Variants in SPATA13 observed in about 807,000 individuals in gnomAD.
The protein encoded by SPATA13 is spermatogenesis associated 13, also known as spermatogenesis-associated protein 13.
SPATA13 carries 50 observed loss-of-function variants against 104.0 expected under a neutral mutation model. That is an observed-to-expected ratio of 0.48 (90% CI 0.38 to 0.61). The LOEUF (loss-of-function observed/expected upper bound fraction) is 0.61. SPATA13 is among the 20% of genes least tolerant of loss of function. SPATA13 has a pLI of 0.00. For missense variants in SPATA13, 1,524 were observed against 1,690.6 expected, an observed-to-expected ratio of 0.90 and a Z score of 1.73; for synonymous variants, 606 against 667.5, an observed-to-expected ratio of 0.91 and a Z score of 1.42.
chr13:24,278,555 AG>A, intron 4 of SPATA13: 1 of 1,231,904 alleles, frequency 8.1e-7, no homozygotes, highest in South Asian at 1.8e-5. Flanking sequence ...TGGGATTACA[AG>A]CATGAGCTAC....
At chr13:24,301,363 C>A (rs1404598564) in intron 12 of SPATA13, among the ~76,000 whole-genome samples, 1 of 152,210 alleles carries the variant, frequency 6.6e-6, no homozygotes, top group African/African-American at 2.4e-5. Flanking sequence ...CTTAACACTC[C>A]CCTGCTTTCT....
chr13:24,066,686 G>C (rs1878977138), intron 3 of SPATA13, among the ~76,000 whole-genome samples: 2 of 151,876 alleles, frequency 1.3e-5, no homozygotes, highest in Admixed American at 1.3e-4. Context: ...CACCCCTCAG[G>C]CCCCCCACCT....
At chr13:24,084,435 G>C (rs1419516203) in intron 3 of SPATA13, among the ~76,000 whole-genome samples, 1 of 152,194 alleles carries the variant, frequency 6.6e-6, no homozygotes, top group Non-Finnish European at 1.5e-5. Flanking sequence ...TGTTCTGGAC[G>C]TGCGAGGTAC....
At chr13:23,988,106 G>A (rs1242405802) in intron 2 of SPATA13, among the ~76,000 whole-genome samples, 2 of 152,044 alleles carry the variant, frequency 1.3e-5, no homozygotes, top group African/African-American at 4.8e-5. Context: ...ACCACGTCTG[G>A]TTAATTTTTG....
rs199613715 is a variant in SPATA13 at position 24,289,046 on chromosome 13, G to A, written c.2715G>A (p.Ala905=). ...CRKHTGMFTV[A]QLATIFGNIE... is the part of the protein sequence containing the mutation. ...AGCACACAGGAATGTTCACCGTTGC[G>A]CAGCTAGCCACTATTTTTGGAAACA... Residue 905 remains alanine (A), a synonymous_variant, in exon 8 of 13, where the codon GCG becomes GCA. Coordinates refer to ENST00000382108, the MANE Select transcript of SPATA13 (RefSeq NM_001166271.3). 161 of 1,613,646 alleles carry A rather than the reference G, an allele frequency of 1.0e-4. 1 individual carries two copies. Among genetic ancestry groups the A allele is most frequent in the South Asian group, 3.7e-4 (34 of 90,998 alleles).
chr13:24,268,491 G>C (rs902603951), intron 4 of SPATA13, among the ~76,000 whole-genome samples: 1 of 152,238 alleles, frequency 6.6e-6, no homozygotes, highest in East Asian at 1.9e-4. Flanking sequence ...GGGCGCAGTG[G>C]CTCATGCCTG....
At chr13:24,109,143 T>C (rs1397781499) in intron 3 of SPATA13, among the ~76,000 whole-genome samples, 1 of 152,146 alleles carries the variant, frequency 6.6e-6, no homozygotes, top group Admixed American at 6.5e-5. Flanking sequence ...TGATGTGTGA[T>C]GTTCCCGCCC....
intron 3 of SPATA13, among the ~76,000 whole-genome samples, chr13:24,072,452 G>A (rs1425349272): frequency 6.6e-6 from 1 of 152,146 alleles, no homozygotes; most frequent in African/African-American, 2.4e-5. Flanking sequence ...GTATGTGCTC[G>A]TGGCAGGGCT....
chr13:24,259,886 C>T (rs909139622), intron 4 of SPATA13, among the ~76,000 whole-genome samples: 1 of 152,144 alleles, frequency 6.6e-6, no homozygotes, highest in African/African-American at 2.4e-5. Context: ...CCTGGCCTCC[C>T]ACCTTGGCTT....
chr13:24,255,052 C>T (rs1873715400), intron 4 of SPATA13, among the ~76,000 whole-genome samples: 1 of 152,210 alleles, frequency 6.6e-6, no homozygotes, highest in African/African-American at 2.4e-5. Context: ...TTTCCACATT[C>T]CTCCAGGCCA....
At position 24,304,731 on chromosome 13, in the gene SPATA13, G is replaced by GCC. The variant is rs913664341; in HGVS notation, c.*1961_*1962dup. On this transcript the variant is annotated 3_prime_UTR_variant, in exon 13 of 13. Coordinates refer to ENST00000382108, the MANE Select transcript of SPATA13 (RefSeq NM_001166271.3). ...AGGCAGCACTGCTAAGGGTTCAGGT[G>GCC]CCCCATGGCTGACAGCCCGAGTTGC... The GCC allele has an allele frequency of 6.6e-6, 1 of 152,238 alleles. No homozygotes were observed. The highest frequency in any genetic ancestry group is 1.5e-5 in the Non-Finnish European group (1 of 68,058). The allele number at this position is 152,238 out of a possible 1,614,324, so 9.4% of individuals were successfully genotyped here. A position where few individuals can be genotyped will look rare whatever the true frequency, so the allele number is the denominator to read the frequency against.
At position 24,161,685 on chromosome 13, in the gene SPATA13, A is replaced by G. The variant is rs1033657638; in HGVS notation, c.-112+753A>G. 1.7e-4 allele frequency among the ~76,000 whole-genome samples: 26 copies of G among 152,198 alleles called. No homozygotes were observed. The highest frequency in any genetic ancestry group is 6.0e-4 in the African/African-American group (25 of 41,466). Reference sequence around the variant, plus strand: ...GCTTGAGCAAATTTCCCCTCCCTCCAAGTGCAGGAAAACCAAACCAAAGCA... The same window carrying G: ...GCTTGAGCAAATTTCCCCTCCCTCCGAGTGCAGGAAAACCAAACCAAAGCA... On this transcript the variant is annotated intron_variant, in intron 1 of 12. Transcript: ENST00000382108. This position sits in a 1 kb window ranked among gnomAD's most constrained non-coding sequence, Gnocchi z 4.5.
chr13:24,160,586 T>C (rs1882426767), upstream of SPATA13: 1 of 334,334 alleles, frequency 3.0e-6, no homozygotes, highest in Non-Finnish European at 4.2e-6. Flanking sequence ...CTGTGGTTGG[T>C]AGTGTGGGGG....
At chr13:24,295,345 T>C (rs1378102002) in intron 10 of SPATA13, among the ~76,000 whole-genome samples, 1 of 152,086 alleles carries the variant, frequency 6.6e-6, no homozygotes, top group East Asian at 1.9e-4. Context: ...GCACAGTGGC[T>C]CACACCTGTA....
At chr13:24,138,246 G>T (rs1252849635) in intron 3 of SPATA13, among the ~76,000 whole-genome samples, 1 of 151,818 alleles carries the variant, frequency 6.6e-6, no homozygotes, top group Non-Finnish European at 1.5e-5. Context: ...GGCAGAGGTT[G>T]CAGTAAGCTG....
At chr13:24,301,025 G>A (rs1877149421) in intron 12 of SPATA13, among the ~76,000 whole-genome samples, 1 of 152,122 alleles carries the variant, frequency 6.6e-6, no homozygotes, top group Non-Finnish European at 1.5e-5. Context: ...AATTCCCTGG[G>A]GAAGCTGTTC....
intron 3 of SPATA13, among the ~76,000 whole-genome samples, chr13:24,098,989 C>T (rs1880172787): frequency 6.6e-6 from 1 of 151,742 alleles, no homozygotes; most frequent in Non-Finnish European, 1.5e-5. Flanking sequence ...ATAATCCCAG[C>T]TTCTCAGGAG....
intron 3 of SPATA13, among the ~76,000 whole-genome samples, chr13:24,032,670 A>G (rs1877525835): frequency 6.6e-6 from 1 of 152,248 alleles, no homozygotes; most frequent in African/African-American, 2.4e-5. Context: ...GGGAAAATCC[A>G]GGGCACGAGC....
chr13:24,008,459 T>G (rs905472971), intron 2 of SPATA13, among the ~76,000 whole-genome samples: 2 of 152,114 alleles, frequency 1.3e-5, no homozygotes, highest in African/African-American at 2.4e-5. Context: ...TGGGCCACCA[T>G]GAAAGAGGGC....
Sources: gnomAD v4.1 joint callset for allele counts (sites outside exome capture counted in the v4.1 genomes callset) on GRCh38, gnomAD v4.1.1 for gene constraint, Gnocchi (gnomAD v3.1) non-coding constraint, MANE v1.5 for transcripts, NCBI Gene and HGNC (gene_info 2026-07-23, HGNC 2026-07-21) for gene names.